The following KANK1 variants were observed in gnomAD, a reference collection of about 807,000 sequenced individuals.
KANK1 encodes the protein KN motif and ankyrin repeat domains 1, also known as KN motif and ankyrin repeat domain-containing protein 1.
KANK1 carries 109 observed loss-of-function variants against 106.2 expected under a neutral mutation model. The observed-to-expected ratio is 1.03, with a 90% CI of 0.88 to 1.20. KANK1 has a LOEUF of 1.20. Ranked by LOEUF, KANK1 falls within the 50% of genes most tolerant of loss-of-function variation. The pLI is 0.00. For missense variants in KANK1, 2,399 were observed against 1,710.7 expected (o/e 1.40, Z -7.10); for synonymous variants, 873 against 652.2 (o/e 1.34, Z -5.16).
At chr9:695,535 T>C (rs1473094602) in intron 2 of KANK1, among the ~76,000 whole-genome samples, 2 of 151,766 alleles carry the variant, frequency 1.3e-5, no homozygotes, top group African/African-American at 2.4e-5. Flanking sequence ...AAGAAACCAA[T>C]GTAGAACTCA....
At chr9:608,995 A>T (rs1328529063) in intron 1 of KANK1, among the ~76,000 whole-genome samples, 1 of 152,152 alleles carries the variant, frequency 6.6e-6, no homozygotes, top group East Asian at 1.9e-4. Context: ...GTCACTGCTG[A>T]TATCCTTCCT....
At chr9:733,213 A>G (rs1468002793) in intron 6 of KANK1, 1 of 152,260 alleles carries the variant, frequency 6.6e-6, no homozygotes, top group Non-Finnish European at 1.5e-5. Context: ...TTTCAAGACC[A>G]TTAGATAAGG....
At chr9:676,802 G>A in intron 1 of KANK1, 88 bp from the exon 2 acceptor site, 2 of 586,996 alleles carry the variant, frequency 3.4e-6, no homozygotes, top group South Asian at 2.1e-5. Context: ...TTCTCTGTTA[G>A]CAGTCATCTT....
chr9:680,612 G>A (rs1817352379), intron 2 of KANK1, among the ~76,000 whole-genome samples: 1 of 152,136 alleles, frequency 6.6e-6, no homozygotes, highest in African/African-American at 2.4e-5. Context: ...TGGGGATACA[G>A]CAGTGAACCA....
chr9:635,638 T>G (rs566754202), intron 1 of KANK1, among the ~76,000 whole-genome samples: 1 of 151,976 alleles, frequency 6.6e-6, no homozygotes, highest in Non-Finnish European at 1.5e-5. Flanking sequence ...AAAGTTAATG[T>G]GGCATTCACA....
intron 1 of KANK1, among the ~76,000 whole-genome samples, chr9:657,278 G>T (rs1336672909): frequency 6.6e-6 from 1 of 152,224 alleles, no homozygotes; most frequent in South Asian, 2.1e-4. Flanking sequence ...ATCTGTTAAT[G>T]GACTTTTAGG....
intron 1 of KANK1, among the ~76,000 whole-genome samples, chr9:621,211 C>A (rs1360236334): frequency 6.6e-6 from 1 of 152,118 alleles, no homozygotes; most frequent in Non-Finnish European, 1.5e-5. Context: ...TGATAGCTAT[C>A]ACATAACATA....
rs34970472 is a variant in KANK1, at chr9:593,451, T to TCC, written c.-83-83430_-83-83429dup. 3.4e-3 allele frequency among the ~76,000 whole-genome samples: 485 copies of TCC among 140,666 alleles called. 5 individuals are homozygous for TCC. Among genetic ancestry groups the TCC allele is most frequent in the African/African-American group, 0.012 (427 of 34,992 alleles). The allele number at this position is 140,666 out of a possible 152,430, so 92.3% of individuals were successfully genotyped here. A position where few individuals can be genotyped will look rare whatever the true frequency, so the allele number is the denominator to read the frequency against. Reference sequence around the variant, plus strand: ...GTGGATATATTAGATCTTTATACATTCCCCCCCCCCATATACTTGCATTTT... The same window carrying TCC: ...GTGGATATATTAGATCTTTATACATTCCCCCCCCCCCCATATACTTGCATTTT... On this transcript the variant is annotated intron_variant, in intron 1 of 11. Coordinates refer to ENST00000382297, the MANE Select transcript of KANK1 (RefSeq NM_015158.5).
At chr9:511,139 G>C (rs1007944545) in intron 1 of KANK1, among the ~76,000 whole-genome samples, 1 of 152,218 alleles carries the variant, frequency 6.6e-6, no homozygotes, top group East Asian at 1.9e-4. Context: ...AATTAATGCT[G>C]AGTAGAGAGA....
chr9:544,668 T>C (rs1175153751), intron 1 of KANK1, among the ~76,000 whole-genome samples: 1 of 151,852 alleles, frequency 6.6e-6, no homozygotes, highest in Non-Finnish European at 1.5e-5. Flanking sequence ...ACTGGGAACA[T>C]TAATGGGAGG....
intron 1 of KANK1, among the ~76,000 whole-genome samples, chr9:569,675 A>G (rs1225395889): frequency 6.6e-6 from 1 of 152,166 alleles, no homozygotes; most frequent in East Asian, 1.9e-4. Context: ...CGTATATTCT[A>G]ATTGTGTTCA....
chr9:725,496 CAAA>C (rs34245303), intron 3 of KANK1, among the ~76,000 whole-genome samples: 5 of 116,836 alleles, frequency 4.3e-5, no homozygotes, highest in Non-Finnish European at 5.1e-5. Flanking sequence ...GACTCTGTCT[CAAA>C]AAAAAAAAAA....
intron 1 of KANK1, among the ~76,000 whole-genome samples, chr9:551,493 T>C (rs983106683): frequency 6.6e-6 from 1 of 152,198 alleles, no homozygotes; most frequent in Non-Finnish European, 1.5e-5. Context: ...TCTGACAATA[T>C]TGCACATCTG....
chr9:584,946 C>A (rs1353568423), intron 1 of KANK1, among the ~76,000 whole-genome samples: 1 of 152,206 alleles, frequency 6.6e-6, no homozygotes, highest in Non-Finnish European at 1.5e-5. Flanking sequence ...CAATGCCTTG[C>A]AGTCAGCATC....
intron 1 of KANK1, among the ~76,000 whole-genome samples, chr9:551,276 A>G (rs1177778780): frequency 6.6e-6 from 1 of 151,676 alleles, no homozygotes; most frequent in Admixed American, 6.6e-5. Flanking sequence ...TTTTGTCCAG[A>G]TTGAGTAGAT....
At chr9:565,509 A>C (rs560340953) in intron 1 of KANK1, among the ~76,000 whole-genome samples, 2 of 152,218 alleles carry the variant, frequency 1.3e-5, no homozygotes, top group South Asian at 4.1e-4. Flanking sequence ...GTTATCACTC[A>C]AATTAATCTC....
At chr9:658,249 G>C (rs1192489733) in intron 1 of KANK1, among the ~76,000 whole-genome samples, 1 of 151,960 alleles carries the variant, frequency 6.6e-6, no homozygotes, top group Non-Finnish European at 1.5e-5. Flanking sequence ...TTAAAAATAA[G>C]ATCATTTATT....
At chr9:617,812 G>A (rs1231879464) in intron 1 of KANK1, among the ~76,000 whole-genome samples, 2 of 152,194 alleles carry the variant, frequency 1.3e-5, no homozygotes, top group African/African-American at 4.8e-5. Context: ...TTCCTGCTCA[G>A]GTTTCTCATA....
At chr9:566,035 G>T (rs181264138) in intron 1 of KANK1, among the ~76,000 whole-genome samples, 8 of 152,092 alleles carry the variant, frequency 5.3e-5, no homozygotes, top group Non-Finnish European at 1.0e-4. Flanking sequence ...CCCTCCATTA[G>T]GCTGCAGTGT....
Sources: gnomAD v4.1 joint callset for allele counts (sites outside exome capture counted in the v4.1 genomes callset) on GRCh38, gnomAD v4.1.1 for gene constraint, MANE v1.5 for transcripts, NCBI Gene and HGNC (gene_info 2026-07-23, HGNC 2026-07-21) for gene names.